MYT1: variants seen among roughly 807,000 people sequenced by gnomAD.
MYT1 encodes the protein myelin transcription factor I.
In MYT1, 23 loss-of-function variants were observed where a neutral mutation model predicts 123.0. That is an observed-to-expected ratio of 0.19 (90% CI 0.13 to 0.26). The LOEUF is 0.26. MYT1 is among the 10% of genes least tolerant of loss of function. The pLI is 1.00. For missense variants in MYT1, 1,125 were observed against 1,472.5 expected, an observed-to-expected ratio of 0.76 and a Z score of 3.86; for synonymous variants, 518 against 575.3, an observed-to-expected ratio of 0.90 and a Z score of 1.43.
intron 16 of MYT1, among the ~76,000 whole-genome samples, chr20:64,227,006 G>T (rs956233643): frequency 6.6e-6 from 1 of 152,362 alleles, no homozygotes; most frequent in Non-Finnish European, 1.5e-5. Context: ...GCTCAGATAT[G>T]CTCTGAATGC....
chr20:64,177,756 G>A (rs1397593737), intron 1 of MYT1, among the ~76,000 whole-genome samples: 3 of 151,616 alleles, frequency 2.0e-5, no homozygotes, highest in Non-Finnish European at 4.4e-5. Context: ...GGGGTCCTGT[G>A]TGGGCTGAGG....
chr20:64,232,132 C>G lies in MYT1; in HGVS notation c.2676-32C>G. The G allele has an allele frequency of 6.2e-7, 1 of 1,607,426 alleles. No homozygotes were observed. The highest frequency in any genetic ancestry group is 2.2e-5 in the East Asian group (1 of 44,854). The stretch of plus-strand genomic sequence containing the variant: ...CAGGCTTCTCCTCCCAACCCTTCGC[C>G]CCTGTACTCACCCCGGCCTCTCTGT... On this transcript the variant is annotated intron_variant, in intron 18 of 22. Transcript: ENST00000328439. The surrounding 1 kb of genome is among the most constrained non-coding windows in gnomAD (Gnocchi z 6.9).
chr20:64,213,503 G>A lies in MYT1; in HGVS notation c.1518-31G>A, dbSNP rs775739540. On this transcript the variant is annotated intron_variant, in intron 9 of 22. Transcript: ENST00000328439. This position sits in a 1 kb window ranked among gnomAD's most constrained non-coding sequence, Gnocchi z 5.6. ...GGACAGGACAGGCATGGAGGGGAAG[G>A]CTCAGAAACCCCTCCTCTTCCTTCC... 3.2e-6 allele frequency: 5 copies of A among 1,570,314 alleles called. No homozygotes were observed. The highest frequency in any genetic ancestry group is 1.1e-5 in the South Asian group (1 of 90,068).
At chr20:64,176,668 G>A (rs1020063223) in intron 1 of MYT1, among the ~76,000 whole-genome samples, 2 of 152,390 alleles carry the variant, frequency 1.3e-5, no homozygotes, top group Middle Eastern at 3.4e-3. Flanking sequence ...GTGTGTCTGC[G>A]TGGAGCAGTG....
chr20:64,221,895 A>G lies in MYT1; in HGVS notation c.2244A>G (p.Ser748=), dbSNP rs368381774. 1.7e-5 allele frequency: 27 copies of G among 1,612,782 alleles called. No homozygotes were observed. The highest frequency in any genetic ancestry group is 2.3e-5 in the Non-Finnish European group (27 of 1,179,864). ...ATCTTCCTGCTGGTTTTTTGCAGTC[A>G]GAGCCAGCAGCCCATTCTTTTGCTT... ...SRLREEEPEE[S]EPAAHSFASS... is the part of the protein sequence containing the mutation. Residue 748 remains serine (S), a splice_region_variant and synonymous_variant, in exon 14 of 23, where the codon TCA becomes TCG. Transcript: ENST00000328439.
chr20:64,220,127 T>C (rs1983958336), intron 13 of MYT1, 145 bp downstream of exon 13: 4 of 1,377,964 alleles, frequency 2.9e-6, no homozygotes, highest in Non-Finnish European at 3.8e-6. Context: ...TCGTGAAGGG[T>C]CCTTCATCTT....
intron 1 of MYT1, among the ~76,000 whole-genome samples, chr20:64,172,357 G>T (rs887580458): frequency 3.3e-5 from 5 of 152,206 alleles, no homozygotes; most frequent in Non-Finnish European, 7.3e-5. Flanking sequence ...CAGAACTGTT[G>T]TGAAAGCCAA....
At chr20:64,233,844 C>T (rs190381433) in intron 19 of MYT1, among the ~76,000 whole-genome samples, 112 of 152,210 alleles carry the variant, frequency 7.4e-4, no homozygotes, top group African/African-American at 2.6e-3. Context: ...GCCCGCTGGA[C>T]AAGGTTGGAG....
At position 64,236,885 on chromosome 20, in the gene MYT1, G is replaced by A. The variant is rs113820689; in HGVS notation, c.2989+239G>A. ...GGAGGTCATGCCTGCTGTAACCTGC[G>A]GCTTTGGTGACCACTGGGATCAGAG... On this transcript the variant is annotated intron_variant, in intron 20 of 22. Transcript: ENST00000328439. Among the ~76,000 whole-genome samples, 9 of 152,210 alleles carry A rather than the reference G, an allele frequency of 5.9e-5. 3 individuals are homozygous for A. Among genetic ancestry groups the A allele is most frequent in the African/African-American group, 1.7e-4 (7 of 41,554 alleles).
At chr20:64,220,809 GGGGGCTGGATCAGGCCCCTATGAAGGGTA>G (rs1213157842) in intron 13 of MYT1, among the ~76,000 whole-genome samples, 26,058 of 114,272 alleles carry the variant, frequency 0.23, 2,749 homozygotes, top group African/African-American at 0.3. Flanking sequence ...TATGAAGGGT[GGGGGCTGGATCAGGCCCCTATGAAGGGTA>G]GGGGCTGGAT....
chr20:64,182,624 T>C (rs1246772556), intron 1 of MYT1, among the ~76,000 whole-genome samples: 1 of 152,176 alleles, frequency 6.6e-6, no homozygotes, highest in Non-Finnish European at 1.5e-5. Flanking sequence ...GTGGCCTGTC[T>C]CGTGTCACTC....
Position 64,240,420 on chromosome 20 carries a change from A to G in MYT1, c.3338A>G (p.Lys1113Arg), listed in dbSNP as rs144093789. ...AACAAGGACCTCCTGGAGAGCATCAAGCAGGCTGTGAGGGGCATCCAGGTC... is the reference window on the plus strand; with the variant it reads ...AACAAGGACCTCCTGGAGAGCATCAGGCAGGCTGTGAGGGGCATCCAGGTC... The part of the protein sequence containing the change: ...PENKDLLESI[K>R]QAVRGIQV Residue 1113 changes from lysine (K) to arginine (R), a missense_variant, in exon 23 of 23, where the codon AAG (lysine) becomes AGG (arginine). Coordinates refer to ENST00000328439, the MANE Select transcript of MYT1 (RefSeq NM_004535.3). 89 of 1,613,740 alleles carry G rather than the reference A, an allele frequency of 5.5e-5. No individual in the cohort carries two copies. In the Middle Eastern group the frequency reaches 8.4e-4, roughly 15 times the overall value.
rs1015287833 is a variant in MYT1, at chr20:64,202,875, G to T, written c.87-2160G>T. ...AATTCCCTCCTCCCGGAGAAAAGAG[G>T]CTCGGGAGTCCTGGAGCCCTGGCCG... On this transcript the variant is annotated intron_variant, in intron 4 of 22. Coordinates refer to ENST00000328439, the MANE Select transcript of MYT1 (RefSeq NM_004535.3). This position sits in a 1 kb window ranked among gnomAD's most constrained non-coding sequence, Gnocchi z 5.0. Among the ~76,000 whole-genome samples the T allele has an allele frequency of 1.3e-5, 2 of 152,154 alleles. No homozygotes were observed. Among genetic ancestry groups the T allele is most frequent in the Non-Finnish European group, 2.9e-5 (2 of 68,018 alleles).
rs371337079 is a variant in MYT1, at chr20:64,239,916, C to T, written c.3237+13C>T. 131 of 1,609,566 alleles carry T rather than the reference C, an allele frequency of 8.1e-5. No individual in the cohort carries two copies. The African/African-American group carries it at 8.8e-4, about 11-fold the overall frequency. On this transcript the variant is annotated intron_variant, in intron 22 of 22. Transcript: ENST00000328439. ...CCTTCCGCACATGGTAGGCAGCACG[C>T]GGGCCTGCCGGCACCACAGCTACCC...
At position 64,167,530 on chromosome 20, in the gene MYT1, G is replaced by C. The variant is rs1030822606; in HGVS notation, c.-99+2791G>C. 6.6e-6 allele frequency among the ~76,000 whole-genome samples: 1 copy of C among 152,170 alleles called. No individual in the cohort carries two copies. The highest frequency in any genetic ancestry group is 2.4e-5 in the African/African-American group (1 of 41,424). On this transcript the variant is annotated intron_variant, in intron 1 of 22. Transcript: ENST00000328439. This position sits in a 1 kb window ranked among gnomAD's most constrained non-coding sequence, Gnocchi z 6.3. ...GGGTGGGGGCTGCTGGCGGTCACCTGATCTGCGAGCAGGCAGGGTACTGGA... is the reference window on the plus strand; with the variant it reads ...GGGTGGGGGCTGCTGGCGGTCACCTCATCTGCGAGCAGGCAGGGTACTGGA...
intron 16 of MYT1, among the ~76,000 whole-genome samples, chr20:64,226,513 C>G (rs1015662034): frequency 6.6e-6 from 1 of 152,234 alleles, no homozygotes; most frequent in Non-Finnish European, 1.5e-5. Flanking sequence ...GACACAAGCA[C>G]TGAACTCTTG....
At chr20:64,200,528 C>A (rs552487729) in intron 4 of MYT1, among the ~76,000 whole-genome samples, 9 of 152,188 alleles carry the variant, frequency 5.9e-5, no homozygotes, top group African/African-American at 2.2e-4. Context: ...ACTTTGTAAA[C>A]CTTTTGCAGA....
At chr20:64,198,243 C>T (rs868735814) in intron 2 of MYT1, among the ~76,000 whole-genome samples, 2 of 144,982 alleles carry the variant, frequency 1.4e-5, no homozygotes, top group Non-Finnish European at 3.0e-5. Flanking sequence ...GCCGAGATCG[C>T]GCCACTGCAC....
chr20:64,226,915 C>T (rs1984183969), intron 16 of MYT1, among the ~76,000 whole-genome samples: 1 of 152,276 alleles, frequency 6.6e-6, no homozygotes, highest in Non-Finnish European at 1.5e-5. Flanking sequence ...TTTACCAGCC[C>T]ATGGTGGCCA....
Sources: gnomAD v4.1 joint callset for allele counts (sites outside exome capture counted in the v4.1 genomes callset) on GRCh38, gnomAD v4.1.1 for gene constraint, Gnocchi (gnomAD v3.1) non-coding constraint, MANE v1.5 for transcripts, NCBI Gene and HGNC (gene_info 2026-07-23, HGNC 2026-07-21) for gene names.